The following GPC5 variants were observed in gnomAD, a reference collection of about 807,000 sequenced individuals.
The protein encoded by GPC5 is glypican-5.
A neutral mutation model predicts 53.9 loss-of-function variants in GPC5; 47 were observed. The observed-to-expected ratio is 0.87, with a 90% CI of 0.69 to 1.11. The LOEUF is 1.11. Ranked by LOEUF, GPC5 falls within the 50% of genes most tolerant of loss-of-function variation. The pLI, the probability that GPC5 is intolerant of heterozygous loss-of-function variation, is 0.00. For missense variants in GPC5, 748 were observed against 713.1 expected (o/e 1.05, Z -0.56); for synonymous variants, 286 against 263.3 (o/e 1.09, Z -0.84).
chr13:92,618,710 G>C (rs1471998504), intron 7 of GPC5, among the ~76,000 whole-genome samples: 1 of 145,108 alleles, frequency 6.9e-6, no homozygotes. Flanking sequence ...AAAAAGCACT[G>C]TGACTAAATG....
chr13:91,791,801 C>G (rs1006474152), intron 5 of GPC5, among the ~76,000 whole-genome samples: 2 of 152,086 alleles, frequency 1.3e-5, no homozygotes, highest in African/African-American at 4.8e-5. Context: ...GATGGTTAAG[C>G]AGATCTGAAT....
At chr13:91,597,291 C>T (rs77935854) in intron 2 of GPC5, among the ~76,000 whole-genome samples, 4,037 of 152,202 alleles carry the variant, frequency 0.027, 182 homozygotes, top group African/African-American at 0.091. Flanking sequence ...TTTCAGTTTT[C>T]GTTAGTATAA....
intron 7 of GPC5, among the ~76,000 whole-genome samples, chr13:92,532,101 A>G (rs1390042367): frequency 2.6e-5 from 4 of 152,140 alleles, no homozygotes; most frequent in Admixed American, 6.6e-5. Context: ...ATAAAAATCT[A>G]TCACTGACTT....
intron 2 of GPC5, among the ~76,000 whole-genome samples, chr13:91,644,760 T>TA (rs1192176360): frequency 3.3e-5 from 5 of 152,162 alleles, no homozygotes; most frequent in Non-Finnish European, 7.4e-5. Flanking sequence ...GAAATTCTTT[T>TA]AAAAAAATAA....
intron 6 of GPC5, among the ~76,000 whole-genome samples, chr13:91,968,314 G>C (rs1309162453): frequency 6.6e-6 from 1 of 151,882 alleles, no homozygotes; most frequent in African/African-American, 2.4e-5. Context: ...CATAGTATCA[G>C]ATAAATATCT....
chr13:92,671,917 G>A (rs1886765538), intron 7 of GPC5, among the ~76,000 whole-genome samples: 1 of 152,116 alleles, frequency 6.6e-6, no homozygotes. Context: ...AGTTAAGGGA[G>A]AACGTTGACA....
intron 7 of GPC5, among the ~76,000 whole-genome samples, chr13:92,258,544 T>C (rs897158791): frequency 3.3e-5 from 5 of 152,226 alleles, no homozygotes; most frequent in East Asian, 1.9e-4. Flanking sequence ...TTTTAACTTA[T>C]AACTAGTGCA....
intron 7 of GPC5, among the ~76,000 whole-genome samples, chr13:92,235,399 C>A: frequency 6.6e-6 from 1 of 151,992 alleles, no homozygotes; most frequent in East Asian, 1.9e-4. Context: ...ATATTAAATA[C>A]AATTTTGTTT....
At position 91,828,420 on chromosome 13, in the gene GPC5, C is replaced by T. The variant is rs1252567161; in HGVS notation, c.1280+72000C>T. Among the ~76,000 whole-genome samples, 5 of 151,940 alleles carry T rather than the reference C, an allele frequency of 3.3e-5. No homozygotes were observed. In the South Asian group the frequency reaches 6.2e-4, roughly 19 times the overall value. The stretch of plus-strand genomic sequence containing the variant: ...ATAGATAGAGACACACAGATACACA[C>T]ACACAAATACTTCCTTGTTCTACTC... On this transcript the variant is annotated intron_variant, in intron 5 of 7. Transcript: ENST00000377067.
chr13:92,388,150 AT>A (rs1202501220), intron 7 of GPC5, among the ~76,000 whole-genome samples: 1 of 151,868 alleles, frequency 6.6e-6, no homozygotes, highest in African/African-American at 2.4e-5. Flanking sequence ...TCTGAACTTT[AT>A]TTTTTTACTG....
chr13:92,523,125 A>C (rs1416651832), intron 7 of GPC5, among the ~76,000 whole-genome samples: 1 of 152,182 alleles, frequency 6.6e-6, no homozygotes, highest in East Asian at 1.9e-4. Context: ...TTCTTTGATG[A>C]TTGTAAAAGA....
chr13:91,839,555 TA>T (rs1023822034), intron 5 of GPC5, among the ~76,000 whole-genome samples: 18 of 151,910 alleles, frequency 1.2e-4, no homozygotes, highest in East Asian at 7.7e-4. Context: ...TATGTAATAT[TA>T]AAAAAAATTA....
chr13:91,545,331 A>G (rs2030218909), intron 2 of GPC5, among the ~76,000 whole-genome samples: 1 of 152,166 alleles, frequency 6.6e-6, no homozygotes, highest in Non-Finnish European at 1.5e-5. Flanking sequence ...AATTCAATGT[A>G]ATGCTTTTGG....
At chr13:92,732,808 C>T (rs1888842176) in intron 7 of GPC5, among the ~76,000 whole-genome samples, 1 of 151,618 alleles carries the variant, frequency 6.6e-6, no homozygotes, top group Non-Finnish European at 1.5e-5. Context: ...CTGTTTTGGT[C>T]TTTTCATAAC....
At chr13:92,755,602 A>G (rs1322277914) in intron 7 of GPC5, among the ~76,000 whole-genome samples, 1 of 147,934 alleles carries the variant, frequency 6.8e-6, no homozygotes, top group African/African-American at 2.4e-5. Context: ...TAAAGAAAAA[A>G]AGAGAGAAGA....
intron 7 of GPC5, among the ~76,000 whole-genome samples, chr13:92,647,124 A>G (rs1475951868): frequency 3.3e-5 from 5 of 151,846 alleles, no homozygotes. Context: ...TTCTTCCCTT[A>G]TTATTTTCAC....
At chr13:91,763,466 A>T (rs1162244850) in intron 5 of GPC5, among the ~76,000 whole-genome samples, 1 of 152,190 alleles carries the variant, frequency 6.6e-6, no homozygotes, top group Non-Finnish European at 1.5e-5. Flanking sequence ...ACCTGCCCAA[A>T]GTCAAAAGTC....
chr13:92,442,766 G>A (rs563722172), intron 7 of GPC5, among the ~76,000 whole-genome samples: 1 of 152,178 alleles, frequency 6.6e-6, no homozygotes, highest in African/African-American at 2.4e-5. Context: ...ATAGGGGTTC[G>A]TGCATAAGAG....
intron 7 of GPC5, among the ~76,000 whole-genome samples, chr13:92,200,144 A>AGG (rs202020532): frequency 0.021 from 3,187 of 151,960 alleles, 52 homozygotes; most frequent in Middle Eastern, 0.044. Context: ...ATTCATCTTA[A>AGG]TTTTCTTTCT....
Sources: gnomAD v4.1 joint callset for allele counts (sites outside exome capture counted in the v4.1 genomes callset) on GRCh38, gnomAD v4.1.1 for gene constraint, MANE v1.5 for transcripts, NCBI Gene and HGNC (gene_info 2026-07-23, HGNC 2026-07-21) for gene names.